SEC14L1: variants seen among roughly 807,000 people sequenced by gnomAD.
SEC14L1 encodes SEC14 like lipid binding 1.
SEC14L1 carries 48 observed loss-of-function variants against 85.3 expected under a neutral mutation model. The ratio of observed to expected loss-of-function variants is 0.56; its 90% CI spans 0.45 to 0.72. SEC14L1 has a LOEUF of 0.72. Ranked by LOEUF, SEC14L1 falls within the 30% of genes least tolerant of loss-of-function variation. The probability of loss-of-function intolerance (pLI) is 0.00; values close to 1 mark genes in which losing one functional copy is unlikely to be tolerated. For synonymous variants in SEC14L1, 391 were observed against 355.5 expected, an observed-to-expected ratio of 1.10 and a Z score of -1.12; for missense variants, 682 against 921.4, an observed-to-expected ratio of 0.74 and a Z score of 3.36.
At chr17:77,204,656 A>T (rs1301900906) in intron 10 of SEC14L1, among the ~76,000 whole-genome samples, 1 of 150,078 alleles carries the variant, frequency 6.7e-6, no homozygotes, top group South Asian at 2.1e-4. Flanking sequence ...GTCCTCAAGC[A>T]GTCCTCCCAC....
chr17:77,089,009 G>A (rs1286056902), intron 1 of SEC14L1: 1 of 161,850 alleles, frequency 6.2e-6, no homozygotes, highest in African/African-American at 2.4e-5. Flanking sequence ...CACCGAAATT[G>A]GAATGAGGAG....
intron 3 of SEC14L1, among the ~76,000 whole-genome samples, chr17:77,113,463 G>T (rs756478128): frequency 6.6e-6 from 1 of 151,978 alleles, no homozygotes; most frequent in Non-Finnish European, 1.5e-5. Context: ...ACGAGTTAAG[G>T]CTGGGCTCAG....
At chr17:77,115,951 C>T (rs1003386196) in intron 3 of SEC14L1, among the ~76,000 whole-genome samples, 6 of 150,734 alleles carry the variant, frequency 4.0e-5, no homozygotes, top group East Asian at 1.9e-4. Context: ...GACAGAGTCT[C>T]ACTCTCACCC....
At chr17:77,192,098 AAT>A (rs1253913548) in intron 5 of SEC14L1, among the ~76,000 whole-genome samples, 1 of 152,162 alleles carries the variant, frequency 6.6e-6, no homozygotes, top group Non-Finnish European at 1.5e-5. Flanking sequence ...CCTGGCCTTA[AAT>A]ATTACATTCA....
intron 3 of SEC14L1, among the ~76,000 whole-genome samples, chr17:77,103,058 C>T (rs116948282): frequency 0.012 from 1,832 of 152,182 alleles, 44 homozygotes; most frequent in South Asian, 0.045. Context: ...TCCTCCACCT[C>T]GGCCTCCTAA....
At chr17:77,094,916 A>G (rs1971603971) in intron 3 of SEC14L1, 1 of 152,022 alleles carries the variant, frequency 6.6e-6, no homozygotes, top group Non-Finnish European at 1.5e-5. Flanking sequence ...ATATTGTGTT[A>G]AGATGTGATA....
At position 77,203,663 on chromosome 17, in the gene SEC14L1, G is replaced by A; in HGVS notation, c.1098+5G>A. 6.2e-7 allele frequency: 1 copy of A among 1,609,818 alleles called. No homozygotes were observed. Among genetic ancestry groups the A allele is most frequent in the Non-Finnish European group, 8.5e-7 (1 of 1,178,068 alleles). On this transcript the variant is annotated splice_donor_5th_base_variant and intron_variant, in intron 10 of 16. Coordinates refer to ENST00000436233, the MANE Select transcript of SEC14L1 (RefSeq NM_001143998.2). ...GAGGAAGCCCTGCTGAGATACGTAA[G>A]TGCGCGGCTGCGAGACTCCAGGTGC...
rs1003429307 is a variant in SEC14L1, at chr17:77,214,808, C to T, written c.*785C>T. 19 of 985,436 alleles carry T rather than the reference C, an allele frequency of 1.9e-5. No individual in the cohort carries two copies. The highest frequency in any genetic ancestry group is 2.3e-5 in the Non-Finnish European group (19 of 830,042). 61.0% of individuals were successfully genotyped at this position (985,436 alleles called of 1,614,324 possible). A position where few individuals can be genotyped will look rare whatever the true frequency, so the allele number is the denominator to read the frequency against. The stretch of plus-strand genomic sequence containing the variant: ...TCTTCCCGTTTCCTTCCGTGCGTCG[C>T]CCCTCTCACCTGCAGTCAGCTCCCA... On this transcript the variant is annotated 3_prime_UTR_variant, in exon 17 of 17. Transcript: ENST00000436233.
chr17:77,203,809 C>T (rs1976309025), intron 10 of SEC14L1, 151 bp downstream of exon 10: 2 of 626,706 alleles, frequency 3.2e-6, no homozygotes, highest in Non-Finnish European at 5.5e-6. Context: ...CTTAAAATTT[C>T]AAAAGGAGAC....
intron 13 of SEC14L1, 80 bp from the exon 14 acceptor site, chr17:77,209,262 A>C: frequency 6.5e-7 from 1 of 1,534,612 alleles, no homozygotes; most frequent in Non-Finnish European, 8.9e-7. Flanking sequence ...GTGCAGGGGG[A>C]TAGTGCTGGC....
chr17:77,196,749 C>T (rs1598383028), intron 8 of SEC14L1, among the ~76,000 whole-genome samples: 1 of 152,088 alleles, frequency 6.6e-6, no homozygotes, highest in South Asian at 2.1e-4. Flanking sequence ...ATGTGTCTAG[C>T]GAGTTATTGG....
chr17:77,168,780 T>C (rs1974400178), intron 3 of SEC14L1, among the ~76,000 whole-genome samples: 2 of 152,182 alleles, frequency 1.3e-5, no homozygotes, highest in Admixed American at 1.3e-4. Context: ...ATTGTTCAGC[T>C]ATCCCTTTAA....
At chr17:77,153,741 C>T (rs549423156) in intron 3 of SEC14L1, among the ~76,000 whole-genome samples, 1 of 152,216 alleles carries the variant, frequency 6.6e-6, no homozygotes, top group East Asian at 1.9e-4. Context: ...TTGCCCTCTT[C>T]TGTTGTCTCT....
intron 3 of SEC14L1, among the ~76,000 whole-genome samples, chr17:77,118,488 T>C (rs753659843): frequency 1.3e-5 from 2 of 152,154 alleles, no homozygotes; most frequent in Non-Finnish European, 2.9e-5. Flanking sequence ...CCTTGTAGTC[T>C]CCACCGAGTG....
At chr17:77,192,936 G>A (rs903915509) in intron 5 of SEC14L1, among the ~76,000 whole-genome samples, 6 of 152,174 alleles carry the variant, frequency 3.9e-5, no homozygotes, top group Non-Finnish European at 5.9e-5. Flanking sequence ...TGTCGGGATT[G>A]CAGGTGTGAA....
chr17:77,175,866 C>T (rs746134240), intron 3 of SEC14L1, among the ~76,000 whole-genome samples: 13 of 151,942 alleles, frequency 8.6e-5, no homozygotes, highest in African/African-American at 2.2e-4. Context: ...CTTTAATTTC[C>T]GGCCTCCGTG....
intron 13 of SEC14L1, among the ~76,000 whole-genome samples, chr17:77,207,310 C>G (rs1470861404): frequency 2.1e-5 from 3 of 143,796 alleles, no homozygotes; most frequent in Non-Finnish European, 3.1e-5. Context: ...CACAGCTCAG[C>G]AGCCTGACTT....
At chr17:77,147,468 G>A (rs1289770311) in intron 3 of SEC14L1, among the ~76,000 whole-genome samples, 1 of 152,064 alleles carries the variant, frequency 6.6e-6, no homozygotes, top group Non-Finnish European at 1.5e-5. Flanking sequence ...CATTTGCATG[G>A]TGTTGTTTTG....
At chr17:77,189,818 C>T (rs145904810) in intron 3 of SEC14L1, among the ~76,000 whole-genome samples, 2,786 of 152,152 alleles carry the variant, frequency 0.018, 76 homozygotes, top group African/African-American at 0.063. Flanking sequence ...TTAGTAGAGA[C>T]GGGGTTTCAC....
Sources: gnomAD v4.1 joint callset for allele counts (sites outside exome capture counted in the v4.1 genomes callset) on GRCh38, gnomAD v4.1.1 for gene constraint, MANE v1.5 for transcripts, NCBI Gene and HGNC (gene_info 2026-07-23, HGNC 2026-07-21) for gene names.